The following IQGAP1 variants were observed in gnomAD, a reference collection of about 807,000 sequenced individuals.
The protein encoded by IQGAP1 is IQ motif containing GTPase activating protein 1, also known as ras GTPase-activating-like protein IQGAP1.
Under a neutral mutation model 215.6 loss-of-function variants are expected in IQGAP1, and 66 were observed. The ratio of observed to expected loss-of-function variants is 0.31; its 90% CI spans 0.25 to 0.38. IQGAP1 has a LOEUF of 0.38. IQGAP1 is among the 10% of genes least tolerant of loss of function. The probability of loss-of-function intolerance (pLI) is 1.00; values close to 1 mark genes in which losing one functional copy is unlikely to be tolerated. For synonymous variants in IQGAP1, 772 were observed against 728.7 expected (o/e 1.06, Z -0.96); for missense variants, 1,712 against 1,997.1 (o/e 0.86, Z 2.72).
At chr15:90,489,497 G>T (rs1966174123) in intron 33 of IQGAP1, among the ~76,000 whole-genome samples, 1 of 152,058 alleles carries the variant, frequency 6.6e-6, no homozygotes, top group Admixed American at 6.6e-5. Flanking sequence ...TTTTAAGCAT[G>T]GTAATCTGTT....
chr15:90,404,912 A>G (rs1028802075), intron 2 of IQGAP1, among the ~76,000 whole-genome samples: 7 of 152,176 alleles, frequency 4.6e-5, no homozygotes, highest in Admixed American at 3.3e-4. Context: ...TTGTATTTCA[A>G]ATAAAGTTTT....
At chr15:90,480,336 T>C (rs1966040704) in intron 26 of IQGAP1, among the ~76,000 whole-genome samples, 1 of 152,036 alleles carries the variant, frequency 6.6e-6, no homozygotes, top group Non-Finnish European at 1.5e-5. Flanking sequence ...ACAGGTCCCT[T>C]AGCTTTCTTC....
intron 2 of IQGAP1, among the ~76,000 whole-genome samples, chr15:90,398,870 G>A (rs777617858): frequency 1.3e-5 from 2 of 151,952 alleles, no homozygotes; most frequent in Non-Finnish European, 2.9e-5. Context: ...GTTGGGTATG[G>A]TGGCGTGTGC....
At chr15:90,405,694 A>T (rs553695635) in intron 2 of IQGAP1, among the ~76,000 whole-genome samples, 223 of 151,390 alleles carry the variant, frequency 1.5e-3, no homozygotes, top group Non-Finnish European at 2.4e-3. Context: ...AAGGCAAAGG[A>T]TAGTGTATGC....
chr15:90,432,580 G>C (rs892143181), intron 4 of IQGAP1, among the ~76,000 whole-genome samples: 1 of 151,994 alleles, frequency 6.6e-6, no homozygotes, highest in African/African-American at 2.4e-5. Context: ...TTATTTTTCT[G>C]TTATTTTCTA....
chr15:90,395,420 A>T (rs559287651), intron 2 of IQGAP1, among the ~76,000 whole-genome samples: 1 of 152,132 alleles, frequency 6.6e-6, no homozygotes, highest in African/African-American at 2.4e-5. Context: ...TCCCAGGTTA[A>T]CGCCATTCTC....
intron 22 of IQGAP1, 167 bp downstream of exon 22, chr15:90,474,300 C>T: frequency 1.3e-6 from 1 of 754,132 alleles, no homozygotes; most frequent in African/African-American, 1.8e-5. Flanking sequence ...GTCTTGTTGG[C>T]TTGTTGCATT....
chr15:90,388,242 G>T lies in IQGAP1; in HGVS notation c.-100G>T. The T allele has an allele frequency of 7.4e-7, 1 of 1,353,452 alleles. No homozygotes were observed. The highest frequency in any genetic ancestry group is 1.0e-6 in the Non-Finnish European group (1 of 984,470). 83.8% of individuals were successfully genotyped at this position (1,353,452 alleles called of 1,614,324 possible). On this transcript the variant is annotated 5_prime_UTR_variant, in exon 1 of 38. Coordinates refer to ENST00000268182, the MANE Select transcript of IQGAP1 (RefSeq NM_003870.4). Reference sequence around the variant, plus strand: ...TGACGGCACGGGGCGGGGCCTCGGGGACCCCGGCAAGCCCGCGCACTTGGC... The same window carrying T: ...TGACGGCACGGGGCGGGGCCTCGGGTACCCCGGCAAGCCCGCGCACTTGGC...
At chr15:90,456,424 C>G (rs933266640) in intron 15 of IQGAP1, 109 bp downstream of exon 15, 7 of 1,084,698 alleles carry the variant, frequency 6.5e-6, no homozygotes, top group African/African-American at 3.2e-5. Flanking sequence ...GCCTTCTGGG[C>G]ACCCTTAGAT....
rs1965654246 is a variant in IQGAP1, at chr15:90,454,667, T to C, written c.1612+115T>C. 9 of 1,167,128 alleles carry C rather than the reference T, an allele frequency of 7.7e-6. No individual in the cohort carries two copies. The Admixed American group carries it at 8.1e-5, about 10-fold the overall frequency. The allele number at this position is 1,167,128 out of a possible 1,614,324, so 72.3% of individuals were successfully genotyped here. Reference sequence around the variant, plus strand: ...ATTTTTGGGTGAGAGATTGAAAATATCTATATAACACAAAAGGCTAAAGTT... The same window carrying C: ...ATTTTTGGGTGAGAGATTGAAAATACCTATATAACACAAAAGGCTAAAGTT... On this transcript the variant is annotated intron_variant, in intron 14 of 37. Transcript: ENST00000268182.
chr15:90,457,030 G>A (rs1965694522), intron 15 of IQGAP1, among the ~76,000 whole-genome samples: 1 of 151,032 alleles, frequency 6.6e-6, no homozygotes, highest in South Asian at 2.1e-4. Context: ...AGGTAGATGG[G>A]TATGCAATTG....
At position 90,388,410 on chromosome 15, in the gene IQGAP1, T is replaced by C. The variant is rs780183945; in HGVS notation, c.55+14T>C. On this transcript the variant is annotated intron_variant, in intron 1 of 37. Transcript: ENST00000268182. ...CGCACTATGGCTGTGAGTGCGGGGCTCCGCGGCGCGGGGGCTTCGGGCTGG... is the reference window on the plus strand; with the variant it reads ...CGCACTATGGCTGTGAGTGCGGGGCCCCGCGGCGCGGGGGCTTCGGGCTGG... 1.3e-6 allele frequency: 2 copies of C among 1,525,428 alleles called. No homozygotes were observed. The highest frequency in any genetic ancestry group is 1.8e-6 in the Non-Finnish European group (2 of 1,135,368). 94.5% of individuals were successfully genotyped at this position (1,525,428 alleles called of 1,614,324 possible). A position where few individuals can be genotyped will look rare whatever the true frequency, so the allele number is the denominator to read the frequency against.
chr15:90,433,595 TTTCTAA>T, intron 4 of IQGAP1, 118 bp from the exon 5 acceptor site: 1 of 489,602 alleles, frequency 2.0e-6, no homozygotes. Context: ...CCACCGATGT[TTTCTAA>T]GAATGCCACC....
At chr15:90,496,306 CTTTTTTTTTTTTTT>C (rs552222380) in intron 36 of IQGAP1, among the ~76,000 whole-genome samples, 12 of 106,086 alleles carry the variant, frequency 1.1e-4, no homozygotes, top group Admixed American at 1.9e-4. Context: ...AGCATAATCC[CTTTTTTTTTTTTTT>C]TTTTTTTTTT....
intron 2 of IQGAP1, among the ~76,000 whole-genome samples, chr15:90,412,728 T>C (rs1231694814): frequency 6.6e-6 from 1 of 152,210 alleles, no homozygotes; most frequent in Non-Finnish European, 1.5e-5. Flanking sequence ...AGAATCCTAA[T>C]TGTGGAGAAA....
Position 90,466,033 on chromosome 15 carries a change from G to A in IQGAP1, c.1809G>A (p.Leu603=). ...EIQDESAVLW[L]DEIQGGIWQS... ...AGGATGAGTCAGCTGTGTTATGGTTGGATGAAATTCAAGGTGGAATCTGGC... is the reference window on the plus strand; with the variant it reads ...AGGATGAGTCAGCTGTGTTATGGTTAGATGAAATTCAAGGTGGAATCTGGC... Residue 603 remains leucine, a synonymous_variant, in exon 16 of 38, where the codon TTG becomes TTA. Transcript: ENST00000268182. 6.2e-7 allele frequency: 1 copy of A among 1,614,078 alleles called. No individual in the cohort carries two copies. The highest frequency in any genetic ancestry group is 1.1e-5 in the South Asian group (1 of 91,080).
intron 11 of IQGAP1, among the ~76,000 whole-genome samples, chr15:90,450,055 A>G (rs190018096): frequency 2.0e-5 from 3 of 152,290 alleles, no homozygotes; most frequent in East Asian, 1.9e-4. Flanking sequence ...GTTAACTATC[A>G]TCATCCTACT....
intron 15 of IQGAP1, among the ~76,000 whole-genome samples, chr15:90,457,149 C>T (rs895564095): frequency 4.0e-5 from 6 of 151,836 alleles, no homozygotes; most frequent in Non-Finnish European, 8.8e-5. Context: ...CTTAGCCACC[C>T]TCCATTTGGT....
chr15:90,420,963 G>T (rs975475219), intron 2 of IQGAP1, among the ~76,000 whole-genome samples: 8 of 152,126 alleles, frequency 5.3e-5, no homozygotes, highest in Admixed American at 5.2e-4. Context: ...GGCCAGCCCG[G>T]CCAACATGGC....
Sources: allele counts gnomAD v4.1 joint callset (sites outside exome capture counted in the v4.1 genomes callset), GRCh38; gene constraint gnomAD v4.1.1; transcripts MANE v1.5; gene names NCBI Gene and HGNC (gene_info 2026-07-23, HGNC 2026-07-21).